SLC30A8: variants seen among roughly 807,000 people sequenced by gnomAD.
The protein encoded by SLC30A8 is solute carrier family 30 member 8.
Under a neutral mutation model 36.9 loss-of-function variants are expected in SLC30A8, and 27 were observed. The observed-to-expected ratio is 0.73, with a 90% CI of 0.54 to 1.01. SLC30A8 has a LOEUF of 1.01. Among genes scored for constraint, SLC30A8 ranks in the 50% least tolerant of loss-of-function variants. The pLI, the probability that SLC30A8 is intolerant of heterozygous loss-of-function variation, is 0.00. For synonymous variants in SLC30A8, 164 were observed against 172.4 expected (o/e 0.95, Z 0.38); for missense variants, 439 against 452.0 (o/e 0.97, Z 0.26).
chr8:117,113,946 C>T (rs141096304), intron 2 of SLC30A8, among the ~76,000 whole-genome samples: 6 of 152,104 alleles, frequency 3.9e-5, no homozygotes, highest in South Asian at 2.1e-4. Context: ...ATTTGTGAAA[C>T]GAGGACAACA....
At chr8:117,124,770 G>A (rs149554068) in intron 2 of SLC30A8, among the ~76,000 whole-genome samples, 135 of 151,482 alleles carry the variant, frequency 8.9e-4, no homozygotes, top group Non-Finnish European at 1.5e-3. Context: ...ACATAAAGAT[G>A]AGAACCATAG....
chr8:117,125,073 G>A (rs1820846436), intron 2 of SLC30A8, among the ~76,000 whole-genome samples: 1 of 151,928 alleles, frequency 6.6e-6, no homozygotes, highest in Admixed American at 6.6e-5. Context: ...CTTTTCATTT[G>A]GGAAAATAAT....
intron 2 of SLC30A8, among the ~76,000 whole-genome samples, chr8:117,069,771 C>T (rs760062043): frequency 1.3e-5 from 2 of 152,134 alleles, no homozygotes; most frequent in African/African-American, 2.4e-5. Context: ...CATTGTCTCC[C>T]CACAGTAGCA....
chr8:117,080,897 T>C (rs2082948274), intron 2 of SLC30A8, among the ~76,000 whole-genome samples: 2 of 152,194 alleles, frequency 1.3e-5, no homozygotes, highest in Admixed American at 6.5e-5. Flanking sequence ...ACTTAGTTCT[T>C]TGAGAAATCT....
chr8:117,028,010 CTA>C (rs1266578873), intron 1 of SLC30A8, among the ~76,000 whole-genome samples: 3 of 152,192 alleles, frequency 2.0e-5, no homozygotes, highest in African/African-American at 7.2e-5. Flanking sequence ...GTTTGGCAGA[CTA>C]TATTTCCTCC....
chr8:116,975,524 A>G (rs1814967037), intron 1 of SLC30A8, among the ~76,000 whole-genome samples: 1 of 152,166 alleles, frequency 6.6e-6, no homozygotes, highest in Non-Finnish European at 1.5e-5. Flanking sequence ...GGTCATGAGC[A>G]TTTTTTAAGG....
At chr8:117,097,857 T>C (rs1398459573) in intron 2 of SLC30A8, among the ~76,000 whole-genome samples, 1 of 99,816 alleles carries the variant, frequency 1.0e-5, no homozygotes, top group Non-Finnish European at 1.8e-5. Context: ...AATAAATATA[T>C]ATATTATATA....
At chr8:117,130,998 A>G (rs1009737708), upstream of SLC30A8, among the ~76,000 whole-genome samples, 6 of 152,006 alleles carry the variant, frequency 3.9e-5, no homozygotes, top group Non-Finnish European at 8.8e-5. Flanking sequence ...TTTAGTATCA[A>G]TATTTTATCA....
At chr8:116,973,966 T>G (rs1814884472) in intron 1 of SLC30A8, among the ~76,000 whole-genome samples, 1 of 152,188 alleles carries the variant, frequency 6.6e-6, no homozygotes, top group South Asian at 2.1e-4. Flanking sequence ...TAAATGGTGC[T>G]GGGAAAACTG....
chr8:116,969,222 A>C (rs1814702233), intron 1 of SLC30A8, among the ~76,000 whole-genome samples: 1 of 152,098 alleles, frequency 6.6e-6, no homozygotes. Context: ...GTTCGAGACC[A>C]GCCCGGCCAA....
intron 2 of SLC30A8, among the ~76,000 whole-genome samples, chr8:117,055,356 C>G (rs1817838948): frequency 6.6e-6 from 1 of 152,172 alleles, no homozygotes; most frequent in African/African-American, 2.4e-5. Flanking sequence ...TGCTCGGTTT[C>G]AACTCCCAGT....
intron 1 of SLC30A8, among the ~76,000 whole-genome samples, chr8:116,972,995 C>G (rs1343984849): frequency 6.6e-6 from 1 of 152,070 alleles, no homozygotes; most frequent in African/African-American, 2.4e-5. Context: ...GGAGGTGGGG[C>G]CTTTGGAAGG....
At chr8:116,950,766 G>C (rs1246267203), upstream of SLC30A8, among the ~76,000 whole-genome samples, 1 of 152,102 alleles carries the variant, frequency 6.6e-6, no homozygotes, top group African/African-American at 2.4e-5. Context: ...GGATTGTCAG[G>C]GTCAGAGGAC....
intron 1 of SLC30A8, among the ~76,000 whole-genome samples, chr8:117,018,457 T>A (rs1031303742): frequency 2.0e-5 from 3 of 152,160 alleles, no homozygotes; most frequent in Non-Finnish European, 2.9e-5. Flanking sequence ...CACATCTCAA[T>A]TGGACTTACC....
chr8:117,168,112 C>T (rs750629613), intron 6 of SLC30A8, among the ~76,000 whole-genome samples: 5 of 69,416 alleles, frequency 7.2e-5, no homozygotes, highest in Non-Finnish European at 1.3e-4. Context: ...CTTCACCTGG[C>T]CCCCACCCTT....
rs935705353 is a variant in SLC30A8 at position 117,163,473 on chromosome 8, C to T, written c.772C>T (p.Leu258=). 6.2e-7 allele frequency: 1 copy of T among 1,613,616 alleles called. No individual in the cohort carries two copies. Residue 258 remains leucine, a synonymous_variant, in exon 6 of 8, where the codon CTG becomes TTG. Coordinates refer to ENST00000456015, the MANE Select transcript of SLC30A8 (RefSeq NM_173851.3). ...DPICTFIFSI[L]VLASTITILK... ...AATCTGCACATTCATCTTTTCCATC[C>T]TGGTCTTGGCCAGCACCATCACTAT... is the stretch of plus-strand genomic sequence containing the variant.
chr8:116,994,071 G>T (rs561572376), intron 1 of SLC30A8, among the ~76,000 whole-genome samples: 1 of 151,372 alleles, frequency 6.6e-6, no homozygotes, highest in African/African-American at 2.4e-5. Flanking sequence ...AAGAAAAAAA[G>T]CACACTCTAG....
At chr8:117,009,234 T>C (rs1358295652) in intron 1 of SLC30A8, among the ~76,000 whole-genome samples, 1 of 152,134 alleles carries the variant, frequency 6.6e-6, no homozygotes, top group Non-Finnish European at 1.5e-5. Context: ...GAATCTCTAA[T>C]GGTGGAATTG....
chr8:117,161,827 C>T lies in SLC30A8; in HGVS notation c.662C>T (p.Ala221Val), dbSNP rs1822805284. The change falls in exon 5 of 8, where the codon GCC becomes GTC. Residue 221 changes from alanine to valine, a missense_variant. By Grantham distance (64) the Ala-to-Val change is moderately conservative (BLOSUM62 0). Coordinates refer to ENST00000456015, the MANE Select transcript of SLC30A8 (RefSeq NM_173851.3). ...NASVRAAFVHALGDLFQSISV... is the reference protein window; with the variant it reads ...NASVRAAFVHVLGDLFQSISV... ...AGCGTCAGAGCTGCTTTTGTGCATGCCCTTGGAGATCTATTTCAGAGTATC... is the reference window on the plus strand; with the variant it reads ...AGCGTCAGAGCTGCTTTTGTGCATGTCCTTGGAGATCTATTTCAGAGTATC... 4.3e-6 allele frequency: 7 copies of T among 1,613,904 alleles called. No homozygotes were observed. The highest frequency in any genetic ancestry group is 4.2e-6 in the Non-Finnish European group (5 of 1,179,870).
Sources: allele counts gnomAD v4.1 joint callset (sites outside exome capture counted in the v4.1 genomes callset), GRCh38; gene constraint gnomAD v4.1.1; transcripts MANE v1.5; gene names NCBI Gene and HGNC (gene_info 2026-07-23, HGNC 2026-07-21).